NAV2: variants seen among roughly 807,000 people sequenced by gnomAD.
NAV2 encodes neuron navigator 2, also known as helicase, APC down-regulated 1.
Under a neutral mutation model 223.2 loss-of-function variants are expected in NAV2, and 54 were observed. The observed-to-expected ratio is 0.24, with a 90% CI of 0.19 to 0.30. The LOEUF (loss-of-function observed/expected upper bound fraction) is 0.30, where lower values mean the gene tolerates loss of function less well. Among genes scored for constraint, NAV2 ranks in the 10% least tolerant of loss-of-function variants. The probability of loss-of-function intolerance (pLI) is 1.00; values close to 1 mark genes in which losing one functional copy is unlikely to be tolerated. For missense variants in NAV2, 2,806 were observed against 3,147.5 expected, an observed-to-expected ratio of 0.89 and a Z score of 2.60; for synonymous variants, 1,279 against 1,239.3, an observed-to-expected ratio of 1.03 and a Z score of -0.67.
intron 1 of NAV2, among the ~76,000 whole-genome samples, chr11:19,410,985 C>T (rs1850120363): frequency 6.6e-6 from 1 of 152,142 alleles, no homozygotes; most frequent in African/African-American, 2.4e-5. Flanking sequence ...TAGAGGGACC[C>T]TGGGACACCT....
intron 1 of NAV2, among the ~76,000 whole-genome samples, chr11:19,747,136 A>G (rs1216114197): frequency 7.3e-6 from 1 of 136,896 alleles, no homozygotes; most frequent in African/African-American, 2.7e-5. Context: ...GAGTGAGAAC[A>G]TGCGGTATTT....
At chr11:20,019,725 G>A (rs2054327145) in intron 11 of NAV2, among the ~76,000 whole-genome samples, 1 of 152,074 alleles carries the variant, frequency 6.6e-6, no homozygotes, top group Admixed American at 6.6e-5. Flanking sequence ...ACCAGGTACA[G>A]ATGACAGTAT....
intron 1 of NAV2, among the ~76,000 whole-genome samples, chr11:19,721,210 A>G (rs1042447829): frequency 1.3e-5 from 2 of 152,236 alleles, no homozygotes; most frequent in Admixed American, 1.3e-4. Context: ...ATCACTTTCA[A>G]ATTTCCTTTA....
At chr11:19,936,852 T>G (rs2045950740) in intron 7 of NAV2, among the ~76,000 whole-genome samples, 1 of 152,118 alleles carries the variant, frequency 6.6e-6, no homozygotes, top group Non-Finnish European at 1.5e-5. Flanking sequence ...TAAAACCAGG[T>G]GTAGGCTGGG....
Position 19,477,650 on chromosome 11 carries a change from C to T in NAV2, c.75+126623C>T, listed in dbSNP as rs181182987. On this transcript the variant is annotated intron_variant, in intron 1 of 37. Coordinates refer to the NAV2 transcript ENST00000360655. The stretch of plus-strand genomic sequence containing the variant: ...GGTCCCCAGCATAGAGCCTGACATA[C>T]GGCAAGCAGTCCATGGGAATTTACT... Among the ~76,000 whole-genome samples the T allele has an allele frequency of 7.2e-5, 11 of 152,292 alleles. No homozygotes were observed. In the East Asian group the frequency reaches 9.6e-4, roughly 13 times the overall value.
At position 19,848,920 on chromosome 11, in the gene NAV2, C is replaced by T. The variant is rs533840005; in HGVS notation, c.438+5997C>T. Among the ~76,000 whole-genome samples the T allele has an allele frequency of 1.1e-3, 175 of 152,286 alleles. 1 individual carries two copies. The highest frequency in any genetic ancestry group is 3.9e-3 in the African/African-American group (162 of 41,552). On this transcript the variant is annotated intron_variant, in intron 3 of 37. Coordinates refer to ENST00000349880, the MANE Select transcript of NAV2 (RefSeq NM_145117.5). ...ACAGAACACTGTGGTCAGTCTCGCT[C>T]AGTCCCATCATAAGTGGCCCTGGAT...
intron 11 of NAV2, among the ~76,000 whole-genome samples, chr11:20,008,886 T>C (rs2053322528): frequency 6.6e-6 from 1 of 152,212 alleles, no homozygotes; most frequent in African/African-American, 2.4e-5. Flanking sequence ...TAAATTGCTT[T>C]GCTTAAATAG....
rs377062670 is a variant in NAV2, at chr11:20,032,311, C to T, written c.2769-3648C>T. 5.3e-5 allele frequency among the ~76,000 whole-genome samples: 8 copies of T among 152,230 alleles called. No individual in the cohort carries two copies. In the South Asian group the frequency reaches 1.2e-3, roughly 24 times the overall value. ...CTTCTGGGTGGCTCAGTTACAAAGGCTTCCTGTCAACTCAGGGTAAGCACG... is the reference window on the plus strand; with the variant it reads ...CTTCTGGGTGGCTCAGTTACAAAGGTTTCCTGTCAACTCAGGGTAAGCACG... On this transcript the variant is annotated intron_variant, in intron 11 of 37. Coordinates refer to ENST00000349880, the MANE Select transcript of NAV2 (RefSeq NM_145117.5).
intron 10 of NAV2, among the ~76,000 whole-genome samples, chr11:19,967,450 A>T (rs2048866363): frequency 6.6e-6 from 1 of 152,178 alleles, no homozygotes; most frequent in Non-Finnish European, 1.5e-5. Context: ...AACCCAAAAC[A>T]TAATAGAAAT....
At chr11:19,568,601 T>G (rs984398651) in intron 1 of NAV2, among the ~76,000 whole-genome samples, 4 of 152,214 alleles carry the variant, frequency 2.6e-5, no homozygotes, top group Non-Finnish European at 5.9e-5. Context: ...TGCTAAGCAC[T>G]TCACAGACTT....
chr11:19,551,598 T>G (rs1334627632), intron 1 of NAV2, among the ~76,000 whole-genome samples: 1 of 152,248 alleles, frequency 6.6e-6, no homozygotes, highest in Non-Finnish European at 1.5e-5. Flanking sequence ...GCAAAGCTGA[T>G]GGAGGTTATA....
intron 1 of NAV2, among the ~76,000 whole-genome samples, chr11:19,417,791 TA>T (rs1274413273): frequency 6.6e-6 from 1 of 151,886 alleles, no homozygotes; most frequent in Non-Finnish European, 1.5e-5. Context: ...TATGCAGCCA[TA>T]AAAAAGGATG....
chr11:19,856,917 G>A (rs1246468469), intron 3 of NAV2, among the ~76,000 whole-genome samples: 1 of 152,200 alleles, frequency 6.6e-6, no homozygotes, highest in African/African-American at 2.4e-5. Context: ...TGCATGGATT[G>A]ACTGTTCGTG....
At chr11:19,563,652 T>TG (rs1033117875) in intron 1 of NAV2, among the ~76,000 whole-genome samples, 1 of 152,178 alleles carries the variant, frequency 6.6e-6, no homozygotes, top group Non-Finnish European at 1.5e-5. Context: ...CCCGGGTCTA[T>TG]GGGGCATTTT....
chr11:20,086,697 G>A (rs1010796873), intron 26 of NAV2, among the ~76,000 whole-genome samples: 21 of 152,206 alleles, frequency 1.4e-4, no homozygotes, highest in African/African-American at 5.1e-4. Context: ...AGTTCTGGAT[G>A]TATTTAGGAG....
intron 1 of NAV2, among the ~76,000 whole-genome samples, chr11:19,790,472 AG>A (rs2057443087): frequency 6.6e-6 from 1 of 152,196 alleles, no homozygotes; most frequent in Non-Finnish European, 1.5e-5. Flanking sequence ...TCTTAGAGAT[AG>A]GGTAGTACAG....
At chr11:19,613,597 G>A (rs1402125498) in intron 1 of NAV2, among the ~76,000 whole-genome samples, 2 of 152,138 alleles carry the variant, frequency 1.3e-5, no homozygotes, top group Admixed American at 1.3e-4. Context: ...TCTGAACTTG[G>A]CTTCTATGGC....
In NAV2 at chr11:19,908,684, A is replaced by G. The variant is rs191249948; in HGVS notation, c.931+16090A>G. Among the ~76,000 whole-genome samples the G allele has an allele frequency of 2.2e-3, 337 of 152,352 alleles. 1 individual carries two copies. The highest frequency in any genetic ancestry group is 3.5e-3 in the Non-Finnish European group (240 of 68,042). ...GCTAGTGGATATGGTATTTGACAGC[A>G]CAGCTCTAGAAAATTATTCATTGAG... On this transcript the variant is annotated intron_variant, in intron 6 of 37. Transcript: ENST00000349880.
intron 1 of NAV2, among the ~76,000 whole-genome samples, chr11:19,439,973 AAAGT>A (rs1851342652): frequency 6.6e-6 from 1 of 152,258 alleles, no homozygotes; most frequent in Non-Finnish European, 1.5e-5. Context: ...ACAATTTTTA[AAAGT>A]AACTTACCCT....
Sources: allele counts gnomAD v4.1 joint callset (sites outside exome capture counted in the v4.1 genomes callset), GRCh38; gene constraint gnomAD v4.1.1; transcripts MANE v1.5; gene names NCBI Gene and HGNC (gene_info 2026-07-23, HGNC 2026-07-21).